The following VPS13B variants were observed in gnomAD, a reference collection of about 807,000 sequenced individuals.
VPS13B encodes the protein intermembrane lipid transfer protein VPS13B.
In VPS13B, 285 loss-of-function variants were observed where a neutral mutation model predicts 426.4. The observed-to-expected ratio is 0.67, with a 90% CI of 0.61 to 0.74. The LOEUF (loss-of-function observed/expected upper bound fraction) is 0.74. Ranked by LOEUF, VPS13B falls within the 30% of genes least tolerant of loss-of-function variation. VPS13B has a pLI of 0.00. For synonymous variants in VPS13B, 1,676 were observed against 1,676.4 expected (o/e 1.00, Z 0.01); for missense variants, 4,537 against 4,782.6 (o/e 0.95, Z 1.51).
At chr8:99,015,464 C>T (rs1841565062) in intron 2 of VPS13B, among the ~76,000 whole-genome samples, 1 of 151,358 alleles carries the variant, frequency 6.6e-6, no homozygotes, top group Non-Finnish European at 1.5e-5. Context: ...GATCCGCCCG[C>T]CTCAGCCTCC....
chr8:99,052,774 C>T lies in VPS13B; in HGVS notation c.291+14208C>T, dbSNP rs535187915. Reference sequence around the variant, plus strand: ...ATTAGTCTTGGGAGGGTGTATGTGTCGAAGAATTTATCCATTTCTTCTAGA... The same window carrying T: ...ATTAGTCTTGGGAGGGTGTATGTGTTGAAGAATTTATCCATTTCTTCTAGA... On this transcript the variant is annotated intron_variant, in intron 3 of 61. Transcript: ENST00000357162. 3.8e-3 allele frequency among the ~76,000 whole-genome samples: 579 copies of T among 152,238 alleles called. 4 individuals are homozygous for T. The highest frequency in any genetic ancestry group is 0.012 in the African/African-American group (502 of 41,540).
intron 45 of VPS13B, among the ~76,000 whole-genome samples, chr8:99,818,158 T>C (rs1310031118): frequency 6.6e-6 from 1 of 152,198 alleles, no homozygotes; most frequent in Non-Finnish European, 1.5e-5. Flanking sequence ...GTCTTTACCA[T>C]CATCACTTTC....
intron 39 of VPS13B, among the ~76,000 whole-genome samples, chr8:99,741,677 A>T: frequency 6.6e-6 from 1 of 152,198 alleles, no homozygotes; most frequent in South Asian, 2.1e-4. Context: ...AACTCACTCA[A>T]AACCACTCAA....
At position 99,591,673 on chromosome 8, in the gene VPS13B, A is replaced by T. The variant is rs185767385; in HGVS notation, c.5220+14040A>T. Among the ~76,000 whole-genome samples, 128 of 152,200 alleles carry T rather than the reference A, an allele frequency of 8.4e-4. 2 individuals carry two copies. Among genetic ancestry groups the T allele is most frequent in the Non-Finnish European group, 2.8e-4 (19 of 68,018 alleles). ...ATTCTTTTCTTTAAGAATGTTGAAT[A>T]TTGGCCCCCACTCTCTTCTGACTTG... On this transcript the variant is annotated intron_variant, in intron 33 of 61. Coordinates refer to ENST00000357162, the MANE Select transcript of VPS13B (RefSeq NM_152564.5).
At chr8:99,304,441 C>T (rs1820536311) in intron 19 of VPS13B, among the ~76,000 whole-genome samples, 2 of 151,630 alleles carry the variant, frequency 1.3e-5, no homozygotes, top group African/African-American at 4.8e-5. Flanking sequence ...GCATTGAATC[C>T]AGTGGCTAAA....
At chr8:99,787,181 C>T (rs1812314382) in intron 43 of VPS13B, among the ~76,000 whole-genome samples, 1 of 152,060 alleles carries the variant, frequency 6.6e-6, no homozygotes, top group Non-Finnish European at 1.5e-5. Flanking sequence ...TTGCAGAGAT[C>T]AAGAAAGTGG....
intron 35 of VPS13B, among the ~76,000 whole-genome samples, chr8:99,664,780 G>A (rs1435467320): frequency 5.9e-5 from 9 of 152,104 alleles, no homozygotes; most frequent in South Asian, 2.1e-4. Context: ...ATAAACATAC[G>A]TGTGCATGTG....
intron 29 of VPS13B, among the ~76,000 whole-genome samples, chr8:99,515,345 G>A (rs1821999417): frequency 6.6e-6 from 1 of 151,892 alleles, no homozygotes; most frequent in South Asian, 2.1e-4. Context: ...CCAGACTTCT[G>A]CCATCTTATT....
chr8:99,109,999 G>A (rs1278076265), intron 5 of VPS13B, among the ~76,000 whole-genome samples: 2 of 151,598 alleles, frequency 1.3e-5, no homozygotes, highest in African/African-American at 2.4e-5. Flanking sequence ...TTCTTAATTT[G>A]TGTACATATA....
chr8:99,415,402 A>G (rs1375988571), intron 21 of VPS13B, among the ~76,000 whole-genome samples: 1 of 151,822 alleles, frequency 6.6e-6, no homozygotes, highest in Non-Finnish European at 1.5e-5. Flanking sequence ...CCACCTTCCG[A>G]AGCCTGCCTC....
intron 34 of VPS13B, among the ~76,000 whole-genome samples, chr8:99,659,815 A>G (rs1304194403): frequency 2.0e-5 from 3 of 152,064 alleles, no homozygotes; most frequent in Admixed American, 2.0e-4. Flanking sequence ...TTATCTCCAC[A>G]TTGTATTCTC....
chr8:99,457,529 T>A (rs1353512868), intron 23 of VPS13B, among the ~76,000 whole-genome samples: 1 of 152,224 alleles, frequency 6.6e-6, no homozygotes, highest in Non-Finnish European at 1.5e-5. Context: ...AGTTTGATAA[T>A]CTGTTAGAAA....
At chr8:99,146,292 T>G (rs970181311) in intron 13 of VPS13B, among the ~76,000 whole-genome samples, 1 of 152,212 alleles carries the variant, frequency 6.6e-6, no homozygotes, top group Admixed American at 6.5e-5. Flanking sequence ...AGCACCATCC[T>G]TTCTTTATTG....
At chr8:99,269,096 A>G (rs1818448009) in intron 17 of VPS13B, among the ~76,000 whole-genome samples, 1 of 152,204 alleles carries the variant, frequency 6.6e-6, no homozygotes, top group Non-Finnish European at 1.5e-5. Flanking sequence ...CTTCCCAGCC[A>G]CATGGAACTG....
intron 14 of VPS13B, among the ~76,000 whole-genome samples, chr8:99,153,717 A>G (rs72670301): frequency 0.17 from 26,439 of 152,066 alleles, 2,814 homozygotes; most frequent in East Asian, 0.38. Context: ...GACAAAATTT[A>G]TGTATTAGAT....
intron 33 of VPS13B, among the ~76,000 whole-genome samples, chr8:99,611,704 G>A (rs1827851366): frequency 6.6e-6 from 1 of 151,950 alleles, no homozygotes; most frequent in East Asian, 1.9e-4. Context: ...TGTGGTAGAT[G>A]TTTTGCTTTT....
intron 19 of VPS13B, among the ~76,000 whole-genome samples, chr8:99,339,463 A>G (rs895424585): frequency 6.6e-6 from 1 of 152,154 alleles, no homozygotes; most frequent in Non-Finnish European, 1.5e-5. Context: ...CATTATCATG[A>G]GGACAGTACA....
chr8:99,425,825 CCTT>C (rs1816668629), intron 21 of VPS13B, among the ~76,000 whole-genome samples: 1 of 152,166 alleles, frequency 6.6e-6, no homozygotes, highest in African/African-American at 2.4e-5. Flanking sequence ...CCCAAAATCT[CCTT>C]AAGCTGATAG....
Position 99,295,003 on chromosome 8 carries a change from G to A in VPS13B, c.2824+19749G>A, listed in dbSNP as rs78175081. Among the ~76,000 whole-genome samples the A allele has an allele frequency of 5.1e-4, 78 of 152,168 alleles. 3 individuals are homozygous for A. In the East Asian group the frequency reaches 0.015, roughly 29 times the overall value. On this transcript the variant is annotated intron_variant, in intron 19 of 61. Coordinates refer to ENST00000357162, the MANE Select transcript of VPS13B (RefSeq NM_152564.5). The stretch of plus-strand genomic sequence containing the variant: ...TTTAGTTGATGTGTTAAAAATATTT[G>A]TTGGTATTAGAAAATGTAAGAGCTT...
Sources: allele counts gnomAD v4.1 joint callset (sites outside exome capture counted in the v4.1 genomes callset), GRCh38; gene constraint gnomAD v4.1.1; transcripts MANE v1.5; gene names NCBI Gene and HGNC (gene_info 2026-07-23, HGNC 2026-07-21).